The following CFAP77 variants were observed in gnomAD, a reference collection of about 807,000 sequenced individuals.
CFAP77 encodes cilia and flagella associated protein 77.
Under a neutral mutation model 31.1 loss-of-function variants are expected in CFAP77, and 25 were observed. The ratio of observed to expected loss-of-function variants is 0.80; its 90% CI spans 0.59 to 1.12. The LOEUF is 1.12. Among genes scored for constraint, CFAP77 ranks in the 50% most tolerant of loss-of-function variants. The pLI, the probability that CFAP77 is intolerant of heterozygous loss-of-function variation, is 0.00. For missense variants in CFAP77, 377 were observed against 397.3 expected, an observed-to-expected ratio of 0.95 and a Z score of 0.44; for synonymous variants, 151 against 159.9, an observed-to-expected ratio of 0.94 and a Z score of 0.42.
intron 3 of CFAP77, among the ~76,000 whole-genome samples, chr9:132,531,821 C>T (rs920328695): frequency 7.2e-5 from 11 of 152,154 alleles, no homozygotes; most frequent in African/African-American, 2.7e-4. Flanking sequence ...TTGTCGGTTA[C>T]TCTCATGCCC....
At chr9:132,528,266 T>C (rs1852379288) in intron 3 of CFAP77, among the ~76,000 whole-genome samples, 1 of 126,912 alleles carries the variant, frequency 7.9e-6, no homozygotes, top group Non-Finnish European at 1.7e-5. Flanking sequence ...AAGGATTCCC[T>C]ATTTAATAAA....
chr9:132,460,666 G>T (rs1185911983), intron 1 of CFAP77, among the ~76,000 whole-genome samples: 3 of 152,144 alleles, frequency 2.0e-5, no homozygotes, highest in Non-Finnish European at 4.4e-5. Context: ...CTTTTGGGGT[G>T]ATGAAAAAGT....
intron 1 of CFAP77, among the ~76,000 whole-genome samples, chr9:132,442,100 T>C (rs1410619255): frequency 6.6e-6 from 1 of 152,140 alleles, no homozygotes; most frequent in Non-Finnish European, 1.5e-5. Context: ...ATACAGGCGG[T>C]AAGACAGACA....
chr9:132,462,906 T>C (rs1278529911), intron 1 of CFAP77, among the ~76,000 whole-genome samples: 1 of 152,108 alleles, frequency 6.6e-6, no homozygotes, highest in Non-Finnish European at 1.5e-5. Context: ...GTGAACTCCA[T>C]GAAGATAGGC....
chr9:132,418,434 C>T (rs942702826), intron 1 of CFAP77, among the ~76,000 whole-genome samples: 4 of 152,228 alleles, frequency 2.6e-5, no homozygotes, highest in South Asian at 2.1e-4. Flanking sequence ...CTTCGTTATC[C>T]TTCACCCGTG....
intron 3 of CFAP77, among the ~76,000 whole-genome samples, chr9:132,535,225 A>G (rs998856891): frequency 5.3e-5 from 8 of 152,196 alleles, no homozygotes; most frequent in East Asian, 3.8e-4. Context: ...TTGATTTTAT[A>G]TAGGTATTTC....
chr9:132,549,519 A>G (rs1280490640), intron 5 of CFAP77, among the ~76,000 whole-genome samples: 1 of 152,170 alleles, frequency 6.6e-6, no homozygotes, highest in Admixed American at 6.5e-5. Flanking sequence ...CAGTATGCCG[A>G]CGAGCTGACT....
At position 132,535,804 on chromosome 9, in the gene CFAP77, T is replaced by C. The variant is rs564656376; in HGVS notation, c.525-1797T>C. Among the ~76,000 whole-genome samples the C allele has an allele frequency of 1.1e-4, 16 of 152,292 alleles. No homozygotes were observed. In the Middle Eastern group the frequency reaches 0.01, roughly 97 times the overall value. On this transcript the variant is annotated intron_variant, in intron 3 of 5. Coordinates refer to ENST00000393216, the MANE Select transcript of CFAP77 (RefSeq NM_001282957.2). ...CAACTTGACATACAATTAGGTTCAT[T>C]TGCTTTCTCCTGTTGTTATTTGGGG...
chr9:132,451,907 C>T (rs1850834668), intron 1 of CFAP77, among the ~76,000 whole-genome samples: 1 of 151,224 alleles, frequency 6.6e-6, no homozygotes, highest in African/African-American at 2.4e-5. Context: ...TGGATTCAAG[C>T]GATTCTCCTG....
chr9:132,457,620 G>A (rs1850943539), intron 1 of CFAP77, among the ~76,000 whole-genome samples: 1 of 152,222 alleles, frequency 6.6e-6, no homozygotes, highest in Non-Finnish European at 1.5e-5. Context: ...TCGCCTTGTT[G>A]CTGGAATCTG....
At chr9:132,422,921 C>A (rs1217569960) in intron 1 of CFAP77, among the ~76,000 whole-genome samples, 1 of 152,186 alleles carries the variant, frequency 6.6e-6, no homozygotes, top group Non-Finnish European at 1.5e-5. Flanking sequence ...AGGACGTGTC[C>A]TTCCAGGCTG....
rs765536685 is a variant in CFAP77, at chr9:132,434,147, A to AAAAAT, written c.195+23705_195+23709dup. ...GAGCAAGACCCTATCTCGAAAAAAT[A>AAAAAT]AAAATAAAATAAAATAAAATAAAAT... On this transcript the variant is annotated intron_variant, in intron 1 of 5. Coordinates refer to ENST00000393216, the MANE Select transcript of CFAP77 (RefSeq NM_001282957.2). 4.0e-3 allele frequency among the ~76,000 whole-genome samples: 612 copies of AAAAAT among 151,910 alleles called. 3 individuals are homozygous for AAAAAT. Among genetic ancestry groups the AAAAAT allele is most frequent in the Non-Finnish European group, 6.2e-3 (422 of 67,960 alleles).
intron 3 of CFAP77, among the ~76,000 whole-genome samples, chr9:132,518,208 T>G (rs1852182965): frequency 2.6e-5 from 4 of 152,008 alleles, no homozygotes; most frequent in African/African-American, 9.7e-5. Context: ...CTGAGACCCC[T>G]GGATGGGGCC....
chr9:132,443,496 G>A (rs974012452), intron 1 of CFAP77, among the ~76,000 whole-genome samples: 4 of 152,122 alleles, frequency 2.6e-5, no homozygotes, highest in East Asian at 1.9e-4. Flanking sequence ...CAGGTGATCC[G>A]CCTGCCTCGG....
rs112747686 is a variant in CFAP77 at position 132,495,766 on chromosome 9, A to G, written c.196-2929A>G. The stretch of plus-strand genomic sequence containing the variant: ...GGGTCTTTTAGGAGATGATTAGATC[A>G]TGAAAGCAGAGCCCTTGTGATGGAA... On this transcript the variant is annotated intron_variant, in intron 1 of 5. Transcript: ENST00000393216. The surrounding 1 kb of genome is among the most constrained non-coding windows in gnomAD (Gnocchi z 4.2). Among the ~76,000 whole-genome samples the G allele has an allele frequency of 0.02, 3,039 of 152,324 alleles. 88 individuals carry two copies. Among genetic ancestry groups the G allele is most frequent in the African/African-American group, 0.07 (2,901 of 41,570 alleles).
chr9:132,550,295 G>A (rs1219364139), intron 5 of CFAP77, among the ~76,000 whole-genome samples: 1 of 152,226 alleles, frequency 6.6e-6, no homozygotes, highest in East Asian at 1.9e-4. Flanking sequence ...GAATCGATGA[G>A]TAAGACAGCT....
In CFAP77 at chr9:132,410,211, G is replaced by T; in HGVS notation, c.-61G>T. ...CAGGCCCTTCGGAGCTCCAGGCTGT[G>T]CCCGACGTGGGGAAGCGCGCCCAAA... On this transcript the variant is annotated 5_prime_UTR_variant, in exon 1 of 6. Transcript: ENST00000393216. 7.1e-7 allele frequency: 1 copy of T among 1,416,300 alleles called. No homozygotes were observed. The highest frequency in any genetic ancestry group is 9.4e-7 in the Non-Finnish European group (1 of 1,059,980). The allele number at this position is 1,416,300 out of a possible 1,614,324, so 87.7% of individuals were successfully genotyped here. A position where few individuals can be genotyped will look rare whatever the true frequency, so the allele number is the denominator to read the frequency against.
intron 4 of CFAP77, among the ~76,000 whole-genome samples, chr9:132,540,798 T>C (rs1429348933): frequency 1.3e-5 from 2 of 152,114 alleles, no homozygotes; most frequent in African/African-American, 4.8e-5. Context: ...GGGGGGCACC[T>C]CTCGAATGAG....
intron 1 of CFAP77, among the ~76,000 whole-genome samples, chr9:132,429,664 G>A (rs1240601857): frequency 4.2e-5 from 6 of 142,878 alleles, no homozygotes; most frequent in Middle Eastern, 3.8e-3. Flanking sequence ...CTAACACGGC[G>A]AAACCCCGTC....
Sources: allele counts gnomAD v4.1 joint callset (sites outside exome capture counted in the v4.1 genomes callset), GRCh38; gene constraint gnomAD v4.1.1; non-coding constraint Gnocchi (gnomAD v3.1); transcripts MANE v1.5; gene names NCBI Gene and HGNC (gene_info 2026-07-23, HGNC 2026-07-21).